Variants in CYP39A1 observed in about 807,000 individuals in gnomAD.
CYP39A1 encodes cytochrome P450 family 39 subfamily A member 1.
CYP39A1 carries 49 observed loss-of-function variants against 58.1 expected under a neutral mutation model. The ratio of observed to expected loss-of-function variants is 0.84; its 90% CI spans 0.67 to 1.07. The LOEUF (loss-of-function observed/expected upper bound fraction) is 1.07. CYP39A1 is among the 50% of genes least tolerant of loss of function. The pLI, the probability that CYP39A1 is intolerant of heterozygous loss-of-function variation, is 0.00. For synonymous variants in CYP39A1, 209 were observed against 187.6 expected (o/e 1.11, Z -0.93); for missense variants, 531 against 539.4 (o/e 0.98, Z 0.16).
At chr6:46,557,842 C>A (rs1770735366) in intron 10 of CYP39A1, among the ~76,000 whole-genome samples, 1 of 140,214 alleles carries the variant, frequency 7.1e-6, no homozygotes, top group African/African-American at 2.7e-5. Flanking sequence ...GAGGCTGAGG[C>A]AGAGAATTGC....
In CYP39A1 at chr6:46,553,898, A is replaced by G. The variant is rs1770539322; in HGVS notation, c.1251-44T>C. ...ATTGTTACTTGATTGTGAAAGATGT[A>G]TAAATATCTGCCAACAGAGAATATC... On this transcript the variant is annotated intron_variant, in intron 10 of 11. Transcript: ENST00000275016. The G allele has an allele frequency of 4.8e-6, 6 of 1,254,116 alleles. No individual in the cohort carries two copies. The Admixed American group carries it at 7.9e-5, about 16-fold the overall frequency. The allele number at this position is 1,254,116 out of a possible 1,614,324, so 77.7% of individuals were successfully genotyped here. A position where few individuals can be genotyped will look rare whatever the true frequency, so the allele number is the denominator to read the frequency against.
chr6:46,577,620 G>A (rs181626866), intron 10 of CYP39A1, among the ~76,000 whole-genome samples: 43 of 152,062 alleles, frequency 2.8e-4, no homozygotes, highest in Middle Eastern at 3.4e-3. Flanking sequence ...AAAGAGTAGG[G>A]GTTGTTATTC....
intron 7 of CYP39A1, among the ~76,000 whole-genome samples, chr6:46,605,873 C>T (rs938330817): frequency 6.6e-6 from 1 of 152,208 alleles, no homozygotes; most frequent in African/African-American, 2.4e-5. Flanking sequence ...ACAGCATCTA[C>T]ACTGGACAAA....
At chr6:46,562,262 A>T (rs1771020766) in intron 10 of CYP39A1, among the ~76,000 whole-genome samples, 1 of 151,938 alleles carries the variant, frequency 6.6e-6, no homozygotes, top group Non-Finnish European at 1.5e-5. Flanking sequence ...ACCTCAGGTG[A>T]TCCACCCACC....
chr6:46,649,389 A>G (rs1762532988), intron 1 of CYP39A1, among the ~76,000 whole-genome samples: 1 of 152,252 alleles, frequency 6.6e-6, no homozygotes. Flanking sequence ...GAGGTGAGTC[A>G]CTAGGTTTTG....
At chr6:46,569,332 ACTT>A (rs1191626867) in intron 10 of CYP39A1, among the ~76,000 whole-genome samples, 3 of 151,990 alleles carry the variant, frequency 2.0e-5, no homozygotes, top group Non-Finnish European at 4.4e-5. Flanking sequence ...TCATAATTTT[ACTT>A]CTTCCTTTCC....
At chr6:46,585,895 C>A (rs1182474455) in intron 10 of CYP39A1, among the ~76,000 whole-genome samples, 1 of 152,104 alleles carries the variant, frequency 6.6e-6, no homozygotes, top group Admixed American at 6.6e-5. Flanking sequence ...TCTGAGGCTG[C>A]ATGCTTCCTT....
At chr6:46,641,533 C>A (rs1776336882) in intron 2 of CYP39A1, among the ~76,000 whole-genome samples, 1 of 152,060 alleles carries the variant, frequency 6.6e-6, no homozygotes, top group African/African-American at 2.4e-5. Flanking sequence ...CAAAAAAGAA[C>A]CAGACACAAA....
At position 46,652,645 on chromosome 6, in the gene CYP39A1, T is replaced by C; in HGVS notation, c.-63A>G. On this transcript the variant is annotated 5_prime_UTR_variant, in exon 1 of 12. Coordinates refer to ENST00000275016, the MANE Select transcript of CYP39A1 (RefSeq NM_016593.5). The stretch of plus-strand genomic sequence containing the variant: ...AAACAGTCCTGCCGTCCCTTGCTTC[T>C]TTTCTGTGGGCTACGGAACCTGTCG... The C allele has an allele frequency of 1.4e-6, 2 of 1,457,384 alleles. No individual in the cohort carries two copies. The highest frequency in any genetic ancestry group is 2.4e-5 in the Admixed American group (1 of 41,894). The allele number at this position is 1,457,384 out of a possible 1,614,324, so 90.3% of individuals were successfully genotyped here. A position where few individuals can be genotyped will look rare whatever the true frequency, so the allele number is the denominator to read the frequency against.
intron 6 of CYP39A1, among the ~76,000 whole-genome samples, chr6:46,628,062 A>G (rs1562005492): frequency 6.6e-6 from 1 of 152,194 alleles, no homozygotes; most frequent in Non-Finnish European, 1.5e-5. Flanking sequence ...CAAATGAGAG[A>G]AAGGGCAAGG....
rs1463216596 is a variant in CYP39A1, at chr6:46,549,864, G to C, written c.*502C>G. On this transcript the variant is annotated 3_prime_UTR_variant, in exon 12 of 12. Transcript: ENST00000275016. The stretch of plus-strand genomic sequence containing the variant: ...TAGCATTAGATACGTTTACAATAAA[G>C]AATTATGTTAATAGAGCCTAGGAGT... 1 of 152,378 alleles carries C rather than the reference G, an allele frequency of 6.6e-6. No individual in the cohort carries two copies. The highest frequency in any genetic ancestry group is 1.5e-5 in the Non-Finnish European group (1 of 68,030). The allele number at this position is 152,378 out of a possible 1,614,324, so 9.4% of individuals were successfully genotyped here.
In CYP39A1 at chr6:46,587,947, T is replaced by C. The variant is rs566276274; in HGVS notation, c.1161+87A>G. The C allele has an allele frequency of 1.7e-4, 120 of 727,138 alleles. 2 individuals are homozygous for C. In the South Asian group the frequency reaches 1.8e-3, roughly 11 times the overall value. The allele number at this position is 727,138 out of a possible 1,614,324, so 45.0% of individuals were successfully genotyped here. Reference sequence around the variant, plus strand: ...AGAGAAATATGGCTGCTTAATTATATAGTCCTAATTAATTTCTGAATTTAC... The same window carrying C: ...AGAGAAATATGGCTGCTTAATTATACAGTCCTAATTAATTTCTGAATTTAC... On this transcript the variant is annotated intron_variant, in intron 9 of 11. Transcript: ENST00000275016.
intron 6 of CYP39A1, among the ~76,000 whole-genome samples, chr6:46,629,203 T>C (rs1227101302): frequency 6.6e-6 from 1 of 152,204 alleles, no homozygotes; most frequent in Non-Finnish European, 1.5e-5. Context: ...CTGAAATGAA[T>C]GATTTAAATC....
chr6:46,613,157 A>G (rs1346652063), intron 7 of CYP39A1, among the ~76,000 whole-genome samples: 4 of 152,190 alleles, frequency 2.6e-5, no homozygotes, highest in Admixed American at 2.6e-4. Flanking sequence ...TAGTGTTTAT[A>G]CTTGTTTGTA....
chr6:46,627,648 G>A (rs1582433424), intron 6 of CYP39A1, among the ~76,000 whole-genome samples: 1 of 152,002 alleles, frequency 6.6e-6, no homozygotes, highest in Non-Finnish European at 1.5e-5. Context: ...TCGATCTCCT[G>A]ACCTTGTGAT....
chr6:46,601,571 G>A (rs1773508083), intron 7 of CYP39A1, among the ~76,000 whole-genome samples: 1 of 152,086 alleles, frequency 6.6e-6, no homozygotes, highest in Non-Finnish European at 1.5e-5. Context: ...AATACAGAAA[G>A]TACGTGCCCA....
chr6:46,624,929 T>C (rs1230671422), intron 7 of CYP39A1, among the ~76,000 whole-genome samples: 1 of 152,176 alleles, frequency 6.6e-6, no homozygotes, highest in Admixed American at 6.5e-5. Context: ...AAGGGTTTTT[T>C]TATTTCTTTT....
intron 5 of CYP39A1, among the ~76,000 whole-genome samples, chr6:46,633,254 G>GT (rs1261532650): frequency 1.3e-5 from 2 of 152,086 alleles, no homozygotes; most frequent in Non-Finnish European, 2.9e-5. Flanking sequence ...TACTTATAAT[G>GT]TAAGTTGTCA....
chr6:46,614,245 T>C (rs567738599), intron 7 of CYP39A1, among the ~76,000 whole-genome samples: 1 of 152,262 alleles, frequency 6.6e-6, no homozygotes, highest in East Asian at 1.9e-4. Flanking sequence ...CATTACATCT[T>C]CTCCTCTTTA....
Sources: gnomAD v4.1 joint callset for allele counts (sites outside exome capture counted in the v4.1 genomes callset) on GRCh38, gnomAD v4.1.1 for gene constraint, MANE v1.5 for transcripts, NCBI Gene and HGNC (gene_info 2026-07-23, HGNC 2026-07-21) for gene names.